Variants in ADSS2 observed in about 807,000 individuals in gnomAD.
The protein encoded by ADSS2 is adenylosuccinate synthetase isozyme 2.
In ADSS2, 30 loss-of-function variants were observed where a neutral mutation model predicts 60.0. The ratio of observed to expected loss-of-function variants is 0.50; its 90% CI spans 0.37 to 0.68. The LOEUF (loss-of-function observed/expected upper bound fraction) is 0.68. ADSS2 is among the 30% of genes least tolerant of loss of function. The pLI is 0.00. For missense variants in ADSS2, 373 were observed against 554.8 expected, an observed-to-expected ratio of 0.67 and a Z score of 3.29; for synonymous variants, 187 against 193.1, an observed-to-expected ratio of 0.97 and a Z score of 0.26.
rs1051607350 is a variant in ADSS2 at position 244,451,204 on chromosome 1, G to A, written c.183+431C>T. ...CCGCCCTGGGCGGGGCGGGGGGGCG[G>A]TGATGGGGGGTTCTGCCGTCGCGCC... is the stretch of plus-strand genomic sequence containing the variant. On this transcript the variant is annotated intron_variant, in intron 1 of 12. Coordinates refer to ENST00000366535, the MANE Select transcript of ADSS2 (RefSeq NM_001126.5). The surrounding 1 kb of genome is among the most constrained non-coding windows in gnomAD (Gnocchi z 6.6). 6.6e-6 allele frequency among the ~76,000 whole-genome samples: 1 copy of A among 152,122 alleles called. No homozygotes were observed.
chr1:244,409,513 G>T lies in ADSS2; in HGVS notation c.*73C>A. On this transcript the variant is annotated 3_prime_UTR_variant, in exon 13 of 13. Coordinates refer to ENST00000366535, the MANE Select transcript of ADSS2 (RefSeq NM_001126.5). Reference sequence around the variant, plus strand: ...AGTGTCTTTATTCTTGAATTTGCAGGTCATAAATGAAATATTTAAGAAAGT... The same window carrying T: ...AGTGTCTTTATTCTTGAATTTGCAGTTCATAAATGAAATATTTAAGAAAGT... 2 of 1,190,008 alleles carry T rather than the reference G, an allele frequency of 1.7e-6. No individual in the cohort carries two copies. Among genetic ancestry groups the T allele is most frequent in the Non-Finnish European group, 2.5e-6 (2 of 810,596 alleles). 73.7% of individuals were successfully genotyped at this position (1,190,008 alleles called of 1,614,324 possible). A position where few individuals can be genotyped will look rare whatever the true frequency, so the allele number is the denominator to read the frequency against.
chr1:244,438,747 G>A (rs1665162161), intron 1 of ADSS2, among the ~76,000 whole-genome samples: 1 of 152,044 alleles, frequency 6.6e-6, no homozygotes, highest in South Asian at 2.1e-4. Flanking sequence ...CTGATCGTGA[G>A]GCTATTTTTT....
chr1:244,429,490 C>T (rs981847766), intron 4 of ADSS2, among the ~76,000 whole-genome samples: 7 of 152,172 alleles, frequency 4.6e-5, no homozygotes, highest in Non-Finnish European at 8.8e-5. Context: ...AAGCAAAGAT[C>T]GAAGTGGTTT....
At chr1:244,411,114 G>A (rs774608911) in intron 12 of ADSS2, among the ~76,000 whole-genome samples, 173 bp downstream of exon 12, 9 of 152,048 alleles carry the variant, frequency 5.9e-5, no homozygotes, top group South Asian at 2.1e-4. Flanking sequence ...CCAGCTACTC[G>A]GGAGGCTGAG....
chr1:244,448,775 T>C (rs552961777), intron 1 of ADSS2, among the ~76,000 whole-genome samples: 8 of 152,318 alleles, frequency 5.3e-5, no homozygotes, highest in African/African-American at 1.9e-4. Flanking sequence ...CTTTAACCTC[T>C]TGAGAAACGT....
intron 8 of ADSS2, 87 bp from the exon 9 acceptor site, chr1:244,419,001 G>T: frequency 8.2e-7 from 1 of 1,224,490 alleles, no homozygotes; most frequent in Non-Finnish European, 1.1e-6. Context: ...CTGCATTTGA[G>T]TATATTATAG....
intron 4 of ADSS2, among the ~76,000 whole-genome samples, chr1:244,430,467 T>C (rs953310899): frequency 1.3e-5 from 2 of 152,244 alleles, no homozygotes; most frequent in Non-Finnish European, 2.9e-5. Context: ...ACACTGATGC[T>C]ATACGTTATT....
intron 3 of ADSS2, among the ~76,000 whole-genome samples, 169 bp from the exon 4 acceptor site, chr1:244,432,764 CT>C (rs1278189929): frequency 6.8e-6 from 1 of 146,010 alleles, no homozygotes; most frequent in Non-Finnish European, 1.5e-5. Flanking sequence ...CCCGGGTTCA[CT>C]GCCATTCTCC....
intron 11 of ADSS2, among the ~76,000 whole-genome samples, chr1:244,412,346 T>C (rs1664434703): frequency 6.6e-6 from 1 of 152,018 alleles, no homozygotes; most frequent in African/African-American, 2.4e-5. Flanking sequence ...TACATTGGAG[T>C]CTGTTTCCTA....
intron 1 of ADSS2, among the ~76,000 whole-genome samples, chr1:244,449,699 G>A (rs1215508030): frequency 6.6e-6 from 1 of 152,174 alleles, no homozygotes; most frequent in Non-Finnish European, 1.5e-5. Context: ...AGCACTAAAA[G>A]AACATAAGGA....
intron 10 of ADSS2, among the ~76,000 whole-genome samples, 163 bp from the exon 11 acceptor site, chr1:244,416,241 G>C (rs1664529555): frequency 6.6e-6 from 1 of 152,218 alleles, no homozygotes; most frequent in Admixed American, 6.5e-5. Context: ...CCACACATAA[G>C]ACGCTAGAGG....
chr1:244,443,162 T>C (rs1442989750), intron 1 of ADSS2, among the ~76,000 whole-genome samples: 1 of 152,212 alleles, frequency 6.6e-6, no homozygotes, highest in Non-Finnish European at 1.5e-5. Context: ...GGGAGATATT[T>C]TGTTGTTGTT....
intron 12 of ADSS2, among the ~76,000 whole-genome samples, chr1:244,410,193 G>A (rs1258681421): frequency 4.6e-5 from 7 of 152,136 alleles, no homozygotes; most frequent in Non-Finnish European, 2.9e-5. Context: ...TGCTGACCAA[G>A]AGCAGTAAGC....
chr1:244,433,859 T>TAAA (rs35132231), intron 3 of ADSS2, among the ~76,000 whole-genome samples: 5,480 of 94,830 alleles, frequency 0.058, 211 homozygotes, highest in East Asian at 0.12. Flanking sequence ...ACTCCATCTT[T>TAAA]AAAAAAAAAA....
intron 1 of ADSS2, 69 bp from the exon 2 acceptor site, chr1:244,437,837 G>C (rs1440558105): frequency 2.5e-6 from 3 of 1,193,704 alleles, no homozygotes; most frequent in Non-Finnish European, 2.5e-6. Flanking sequence ...TCCCTCCAAA[G>C]TGAATTAATG....
chr1:244,409,592 G>T lies in ADSS2; in HGVS notation c.1365C>A (p.Leu455=), dbSNP rs1005949779. ...CTTGCATTACTGGCAATCATTAAAAGAGTTGAATCATAGATTCTCTGGATT... is the reference window on the plus strand; with the variant it reads ...CTTGCATTACTGGCAATCATTAAAATAGTTGAATCATAGATTCTCTGGATT... The part of the protein sequence containing the change: ...VGKSRESMIQ[L]F Residue 455 remains leucine (L), a synonymous_variant, in exon 13 of 13, where the codon CTC becomes CTA. Coordinates refer to ENST00000366535, the MANE Select transcript of ADSS2 (RefSeq NM_001126.5). 6.2e-7 allele frequency: 1 copy of T among 1,608,132 alleles called. No homozygotes were observed. The highest frequency in any genetic ancestry group is 1.3e-5 in the African/African-American group (1 of 74,760).
At chr1:244,441,030 C>A (rs975352538) in intron 1 of ADSS2, among the ~76,000 whole-genome samples, 2 of 151,694 alleles carry the variant, frequency 1.3e-5, no homozygotes, top group Non-Finnish European at 2.9e-5. Flanking sequence ...ATATTATACA[C>A]CAAAAGAACA....
chr1:244,424,496 A>G (rs1023994614), intron 4 of ADSS2, 109 bp from the exon 5 acceptor site: 1 of 814,856 alleles, frequency 1.2e-6, no homozygotes, highest in Non-Finnish European at 2.0e-6. Context: ...TCATTTCAGT[A>G]TAATAAATTA....
At chr1:244,438,989 T>C (rs149709737) in intron 1 of ADSS2, among the ~76,000 whole-genome samples, 7 of 152,334 alleles carry the variant, frequency 4.6e-5, no homozygotes, top group South Asian at 4.1e-4. Flanking sequence ...TGTATTTTTA[T>C]CTAACTATAT....
Sources: gnomAD v4.1 joint callset for allele counts (sites outside exome capture counted in the v4.1 genomes callset) on GRCh38, gnomAD v4.1.1 for gene constraint, Gnocchi (gnomAD v3.1) non-coding constraint, MANE v1.5 for transcripts, NCBI Gene and HGNC (gene_info 2026-07-23, HGNC 2026-07-21) for gene names.